The following WAC variants were observed in gnomAD, a reference collection of about 807,000 sequenced individuals.
WAC encodes the protein WW domain-containing adapter protein with coiled-coil.
WAC carries 11 observed loss-of-function variants against 79.6 expected under a neutral mutation model. That is an observed-to-expected ratio of 0.14 (90% CI 0.09 to 0.23). The LOEUF (loss-of-function observed/expected upper bound fraction) is 0.23. WAC is among the 10% of genes least tolerant of loss of function. The pLI, the probability that WAC is intolerant of heterozygous loss-of-function variation, is 1.00. For synonymous variants in WAC, 304 were observed against 276.9 expected (o/e 1.10, Z -0.97); for missense variants, 728 against 773.5 (o/e 0.94, Z 0.70).
chr10:28,613,583 A>G (rs1389199224), intron 10 of WAC, among the ~76,000 whole-genome samples: 1 of 152,192 alleles, frequency 6.6e-6, no homozygotes, highest in Non-Finnish European at 1.5e-5. Context: ...TTTTAAAATA[A>G]TTGAACATTT....
chr10:28,569,358 GT>G (rs573646541), intron 3 of WAC, among the ~76,000 whole-genome samples: 275 of 152,236 alleles, frequency 1.8e-3, no homozygotes, highest in African/African-American at 6.3e-3. Flanking sequence ...ACAATTAGTT[GT>G]TAATGCTTTG....
At position 28,583,583 on chromosome 10, in the gene WAC, A is replaced by T. The variant is rs999268995; in HGVS notation, c.381+78A>T. 18 of 989,852 alleles carry T rather than the reference A, an allele frequency of 1.8e-5. No homozygotes were observed. The African/African-American group carries it at 2.0e-4, about 11-fold the overall frequency. The allele number at this position is 989,852 out of a possible 1,614,324, so 61.3% of individuals were successfully genotyped here. A position where few individuals can be genotyped will look rare whatever the true frequency, so the allele number is the denominator to read the frequency against. On this transcript the variant is annotated intron_variant, in intron 4 of 13. Transcript: ENST00000354911. ...AAAAAAAAAAATACAACCCATGGCA[A>T]GTCTTGTAAAATCTAATGTCTTTTT...
At chr10:28,616,088 TA>T in intron 11 of WAC, 84 bp from the exon 12 acceptor site, 1 of 1,116,314 alleles carries the variant, frequency 9.0e-7, no homozygotes, top group Non-Finnish European at 1.2e-6. Context: ...TTTAAGTTAA[TA>T]AAAGGTATTA....
intron 3 of WAC, among the ~76,000 whole-genome samples, chr10:28,575,847 G>C (rs775149999): frequency 1.3e-5 from 2 of 152,138 alleles, no homozygotes; most frequent in African/African-American, 4.8e-5. Context: ...AAACTCTCCT[G>C]TCGCATAATG....
At chr10:28,596,191 G>A in intron 7 of WAC, 150 bp downstream of exon 7, 5 of 821,892 alleles carry the variant, frequency 6.1e-6, no homozygotes, top group Non-Finnish European at 8.9e-6. Flanking sequence ...TAGGTGTAGA[G>A]TTAGCAATAT....
intron 3 of WAC, among the ~76,000 whole-genome samples, chr10:28,537,937 A>C (rs1468091970): frequency 6.6e-6 from 1 of 151,820 alleles, no homozygotes; most frequent in Non-Finnish European, 1.5e-5. Context: ...CCACTTTCCA[A>C]TTTTCTTTCT....
intron 12 of WAC, among the ~76,000 whole-genome samples, chr10:28,616,676 A>G (rs541716964): frequency 9.5e-4 from 145 of 152,362 alleles, no homozygotes; most frequent in African/African-American, 3.2e-3. Flanking sequence ...AAGACCAAAT[A>G]GTGCATAAGA....
At position 28,616,348 on chromosome 10, in the gene WAC, C is replaced by T. The variant is rs1360751441; in HGVS notation, c.1732C>T (p.His578Tyr). 6.2e-7 allele frequency: 1 copy of T among 1,609,196 alleles called. No individual in the cohort carries two copies. Among genetic ancestry groups the T allele is most frequent in the Non-Finnish European group, 8.5e-7 (1 of 1,177,090 alleles). ...ACACGTTCAAGGATGGCCTGCAGAT[C>T]ATGCAGAGAAGCAGGTATGTTATGT... ...IKHVQGWPAD[H>Y]AEKQASRLRE... The change falls in exon 12 of 14, where the codon CAT (histidine) becomes TAT (tyrosine). Residue 578 changes from histidine to tyrosine, a missense_variant. By Grantham distance (83) the His-to-Tyr change is moderately conservative. Transcript: ENST00000354911.
intron 7 of WAC, among the ~76,000 whole-genome samples, chr10:28,598,525 T>C (rs568383320): frequency 9.2e-5 from 14 of 152,226 alleles, no homozygotes; most frequent in African/African-American, 3.4e-4. Context: ...TTTGTTCACC[T>C]TCTAACCCTT....
At chr10:28,614,881 C>T (rs1411872880) in intron 11 of WAC, 196 bp downstream of exon 11, 3 of 395,714 alleles carry the variant, frequency 7.6e-6, no homozygotes, top group South Asian at 6.5e-5. Flanking sequence ...TAGTGAAGCC[C>T]GGGTTATTTT....
intron 3 of WAC, among the ~76,000 whole-genome samples, chr10:28,536,319 T>C (rs1836670832): frequency 6.6e-6 from 1 of 152,114 alleles, no homozygotes; most frequent in Admixed American, 6.5e-5. Context: ...TAAAACATGC[T>C]TTCTTAAGGA....
chr10:28,604,828 A>C (rs2132777214), intron 7 of WAC, among the ~76,000 whole-genome samples: 1 of 152,334 alleles, frequency 6.6e-6, no homozygotes, highest in Non-Finnish European at 1.5e-5. Context: ...AATACACTAG[A>C]TTTGTGTAAG....
At chr10:28,583,788 TA>T (rs1839664199) in intron 4 of WAC, among the ~76,000 whole-genome samples, 1 of 152,160 alleles carries the variant, frequency 6.6e-6, no homozygotes, top group Non-Finnish European at 1.5e-5. Context: ...ATATCTGAGA[TA>T]AAAAGAACTT....
intron 3 of WAC, among the ~76,000 whole-genome samples, chr10:28,536,725 C>G (rs1470741524): frequency 1.3e-5 from 2 of 152,150 alleles, no homozygotes; most frequent in Non-Finnish European, 2.9e-5. Context: ...TAAACAAAAC[C>G]AATTCTCAGT....
intron 3 of WAC, chr10:28,538,320 C>G: frequency 3.0e-6 from 1 of 333,142 alleles, no homozygotes; most frequent in Non-Finnish European, 6.4e-6. Context: ...CAGTGGCTCA[C>G]GCCGGAATCT....
At chr10:28,597,220 C>G (rs558142180) in intron 7 of WAC, among the ~76,000 whole-genome samples, 2 of 152,078 alleles carry the variant, frequency 1.3e-5, no homozygotes, top group Non-Finnish European at 2.9e-5. Context: ...TACCAAAATT[C>G]ATACATAAAA....
chr10:28,617,824 A>G, intron 13 of WAC, 40 bp downstream of exon 13: 3 of 1,542,770 alleles, frequency 1.9e-6, no homozygotes, highest in Non-Finnish European at 1.7e-6. Context: ...GTTTCTCAGG[A>G]TTATGATTCT....
At position 28,535,662 on chromosome 10, in the gene WAC, G is replaced by A. The variant is rs772899774; in HGVS notation, c.179G>A (p.Arg60Gln). The change falls in exon 3 of 14, where the codon CGG (arginine) becomes CAG (glutamine). Residue 60 changes from arginine to glutamine, a missense_variant. Transcript: ENST00000354911. ...CCTTCACCACCAAATAAAATGTTGC[G>A]GAGATCTGATAGTCCTGAAAACAAA... is the stretch of plus-strand genomic sequence containing the variant. ...GDPSPPNKML[R>Q]RSDSPENKYS... 2 of 1,614,036 alleles carry A rather than the reference G, an allele frequency of 1.2e-6. No individual in the cohort carries two copies. Among genetic ancestry groups the A allele is most frequent in the Non-Finnish European group, 1.7e-6 (2 of 1,180,002 alleles).
At chr10:28,551,784 TTGTGTG>T (rs71769370) in intron 3 of WAC, among the ~76,000 whole-genome samples, 30,173 of 124,692 alleles carry the variant, frequency 0.24, 3,859 homozygotes, top group Non-Finnish European at 0.28. Flanking sequence ...TCCTGTCTAC[TTGTGTG>T]TGTGTGTGTG....
Sources: allele counts gnomAD v4.1 joint callset (sites outside exome capture counted in the v4.1 genomes callset), GRCh38; gene constraint gnomAD v4.1.1; transcripts MANE v1.5; gene names NCBI Gene and HGNC (gene_info 2026-07-23, HGNC 2026-07-21).